The following ESRRG variants were observed in gnomAD, a reference collection of about 807,000 sequenced individuals.
ESRRG encodes the protein estrogen related receptor gamma, also known as estrogen-related receptor gamma.
In ESRRG, 13 loss-of-function variants were observed where a neutral mutation model predicts 44.0. The ratio of observed to expected loss-of-function variants is 0.30; its 90% CI spans 0.19 to 0.47. The LOEUF is 0.47. ESRRG is among the 20% of genes least tolerant of loss of function. The pLI, the probability that ESRRG is intolerant of heterozygous loss-of-function variation, is 1.00. For missense variants in ESRRG, 395 were observed against 580.6 expected, an observed-to-expected ratio of 0.68 and a Z score of 3.29; for synonymous variants, 215 against 214.6, an observed-to-expected ratio of 1.00 and a Z score of -0.02.
chr1:216,750,431 G>A (rs1028591812), intron 2 of ESRRG, among the ~76,000 whole-genome samples: 1 of 152,058 alleles, frequency 6.6e-6, no homozygotes, highest in Non-Finnish European at 1.5e-5. Flanking sequence ...CTGTTCTTCA[G>A]TTAATAGTTT....
chr1:216,597,841 G>T (rs986819036), intron 3 of ESRRG, among the ~76,000 whole-genome samples: 2 of 152,180 alleles, frequency 1.3e-5, no homozygotes, highest in Non-Finnish European at 2.9e-5. Context: ...ACGTAGTGTG[G>T]ATAAATGAAG....
intron 5 of ESRRG, among the ~76,000 whole-genome samples, chr1:216,521,791 G>A (rs1322968300): frequency 1.3e-5 from 2 of 152,100 alleles, no homozygotes; most frequent in African/African-American, 2.4e-5. Context: ...TGTCAGGGGG[G>A]TGCAGGCATC....
chr1:216,715,716 G>T (rs2084708656), intron 1 of ESRRG, among the ~76,000 whole-genome samples: 1 of 151,854 alleles, frequency 6.6e-6, no homozygotes, highest in African/African-American at 2.4e-5. Context: ...TATTTTCAAA[G>T]CAACATAAGT....
intron 5 of ESRRG, among the ~76,000 whole-genome samples, chr1:216,519,953 G>T (rs1225934125): frequency 6.6e-6 from 1 of 152,008 alleles, no homozygotes; most frequent in Non-Finnish European, 1.5e-5. Flanking sequence ...AATGGATGAT[G>T]AGTTACAAAT....
In ESRRG at chr1:217,029,611, T is replaced by C. The variant is rs574486920; in HGVS notation, c.-106+59896A>G. ...CAATTTTCTCTCTGGAGCACTCTGC[T>C]AGACCACACTTGGCTTTAACTACCG... is the stretch of plus-strand genomic sequence containing the variant. On this transcript the variant is annotated intron_variant, in intron 1 of 7. Transcript: ENST00000359162. Among the ~76,000 whole-genome samples the C allele has an allele frequency of 5.1e-4, 77 of 152,348 alleles. No homozygotes were observed. The South Asian group carries it at 0.016, about 31-fold the overall frequency.
At chr1:217,107,975 G>A (rs907261928) in intron 1 of ESRRG, among the ~76,000 whole-genome samples, 1 of 151,710 alleles carries the variant, frequency 6.6e-6, no homozygotes, top group Admixed American at 6.6e-5. Context: ...TTTAAAGCAT[G>A]TCATTCCTGA....
intron 2 of ESRRG, among the ~76,000 whole-genome samples, chr1:216,927,950 T>A (rs909626575): frequency 6.6e-6 from 1 of 152,196 alleles, no homozygotes; most frequent in African/African-American, 2.4e-5. Flanking sequence ...ATCTTTAACT[T>A]CGAAAGAATT....
At chr1:216,904,207 C>CA (rs529999704) in intron 2 of ESRRG, among the ~76,000 whole-genome samples, 1 of 151,260 alleles carries the variant, frequency 6.6e-6, no homozygotes. Context: ...AATCATCACC[C>CA]CCCCCAACTG....
At chr1:216,719,801 A>G (rs1367983837) in intron 1 of ESRRG, among the ~76,000 whole-genome samples, 1 of 152,076 alleles carries the variant, frequency 6.6e-6, no homozygotes, top group Admixed American at 6.6e-5. Flanking sequence ...TTACCGCTGC[A>G]ACACACTAGG....
chr1:216,951,667 C>T (rs1372177392), intron 1 of ESRRG, among the ~76,000 whole-genome samples: 1 of 151,374 alleles, frequency 6.6e-6, no homozygotes, highest in African/African-American at 2.4e-5. Context: ...CCTAGAATCC[C>T]AGATTTAACT....
At chr1:216,702,113 G>A (rs1355416053) in intron 1 of ESRRG, among the ~76,000 whole-genome samples, 2 of 152,054 alleles carry the variant, frequency 1.3e-5, no homozygotes, top group Non-Finnish European at 2.9e-5. Flanking sequence ...ATTTTCTTCT[G>A]GGTATCTCCT....
intron 2 of ESRRG, among the ~76,000 whole-genome samples, chr1:216,671,177 AT>A (rs1023009007): frequency 2.2e-4 from 34 of 152,176 alleles, no homozygotes; most frequent in African/African-American, 7.7e-4. Context: ...TAAACTGAGA[AT>A]TTTATGTTTT....
At chr1:216,712,531 GA>G (rs2083853167) in intron 1 of ESRRG, among the ~76,000 whole-genome samples, 1 of 152,198 alleles carries the variant, frequency 6.6e-6, no homozygotes, top group African/African-American at 2.4e-5. Context: ...ATGAGAAGGA[GA>G]AAAATATAAG....
rs1393714946 is a variant in ESRRG at position 217,022,348 on chromosome 1, T to A, written c.-106+67159A>T. On this transcript the variant is annotated intron_variant, in intron 1 of 7. Coordinates refer to the ESRRG transcript ENST00000359162. ...ATAGGCGGGTGGAAGGGTTGCTTTA[T>A]CCAGACCCACATCAATTACCGATTT... is the stretch of plus-strand genomic sequence containing the variant. Among the ~76,000 whole-genome samples the A allele has an allele frequency of 2.6e-5, 4 of 152,188 alleles. No homozygotes were observed. The East Asian group carries it at 7.7e-4, about 29-fold the overall frequency.
In ESRRG at chr1:216,514,777, G is replaced by C. The variant is rs187717290; in HGVS notation, c.1132+4375C>G. ...TGAAATAGTACTGGACATGCCTACT[G>C]CACAGGCATGTTGTGGGAATCAAAT... On this transcript the variant is annotated intron_variant, in intron 6 of 6. Coordinates refer to ENST00000408911, the MANE Select transcript of ESRRG (RefSeq NM_001438.4). Among the ~76,000 whole-genome samples the C allele has an allele frequency of 1.4e-3, 218 of 152,206 alleles. 1 individual carries two copies. Among genetic ancestry groups the C allele is most frequent in the African/African-American group, 5.0e-3 (208 of 41,542 alleles).
At chr1:216,683,072 G>T (rs1367459371) in intron 1 of ESRRG, among the ~76,000 whole-genome samples, 1 of 152,062 alleles carries the variant, frequency 6.6e-6, no homozygotes, top group African/African-American at 2.4e-5. Flanking sequence ...ACAGAGACAG[G>T]GTGTCATTAT....
At chr1:216,954,645 C>A (rs2067610970) in intron 1 of ESRRG, among the ~76,000 whole-genome samples, 1 of 152,144 alleles carries the variant, frequency 6.6e-6, no homozygotes, top group Non-Finnish European at 1.5e-5. Flanking sequence ...ATTCTGATTA[C>A]CTAATCAGGT....
chr1:217,003,739 C>T (rs1346446503), intron 1 of ESRRG, among the ~76,000 whole-genome samples: 1 of 151,476 alleles, frequency 6.6e-6, no homozygotes, highest in East Asian at 1.9e-4. Context: ...AACACATTGC[C>T]CAATCAGATT....
intron 3 of ESRRG, among the ~76,000 whole-genome samples, chr1:216,622,513 G>A (rs939455393): frequency 1.3e-5 from 2 of 151,888 alleles, no homozygotes; most frequent in Non-Finnish European, 2.9e-5. Flanking sequence ...TGTTAGAATG[G>A]CCTACACGTT....
Sources: gnomAD v4.1 joint callset for allele counts (sites outside exome capture counted in the v4.1 genomes callset) on GRCh38, gnomAD v4.1.1 for gene constraint, MANE v1.5 for transcripts, NCBI Gene and HGNC (gene_info 2026-07-23, HGNC 2026-07-21) for gene names.